The following SLCO1A2 variants were observed in gnomAD, a reference collection of about 807,000 sequenced individuals.
SLCO1A2 encodes the protein solute carrier organic anion transporter family member 1A2.
Under a neutral mutation model 69.0 loss-of-function variants are expected in SLCO1A2, and 67 were observed. The ratio of observed to expected loss-of-function variants is 0.97; its 90% CI spans 0.80 to 1.19. SLCO1A2 has a LOEUF of 1.19. Among genes scored for constraint, SLCO1A2 ranks in the 50% most tolerant of loss-of-function variants. The probability of loss-of-function intolerance (pLI) is 0.00; values close to 1 mark genes in which losing one functional copy is unlikely to be tolerated. For synonymous variants in SLCO1A2, 260 were observed against 265.9 expected (o/e 0.98, Z 0.22); for missense variants, 787 against 793.7 (o/e 0.99, Z 0.10).
At chr12:21,361,187 T>C (rs1938840470) in intron 2 of SLCO1A2, among the ~76,000 whole-genome samples, 1 of 152,170 alleles carries the variant, frequency 6.6e-6, no homozygotes, top group African/African-American at 2.4e-5. Context: ...AAGACAAAGC[T>C]TCCAGAGGAA....
intron 1 of SLCO1A2, chr12:21,403,351 T>C (rs1187445763): frequency 1.3e-5 from 2 of 152,162 alleles, no homozygotes; most frequent in Non-Finnish European, 2.9e-5. Context: ...TAAATCTCCT[T>C]ATATTTTTCC....
chr12:21,299,666 A>G (rs1948287466), intron 8 of SLCO1A2, among the ~76,000 whole-genome samples: 1 of 149,362 alleles, frequency 6.7e-6, no homozygotes, highest in Admixed American at 6.7e-5. Context: ...ACTTTTTCCT[A>G]CTTTTGTTCT....
At position 21,304,484 on chromosome 12, in the gene SLCO1A2, A is replaced by C; in HGVS notation, c.532T>G (p.Leu178Val). 1 of 1,612,978 alleles carries C rather than the reference A, an allele frequency of 6.2e-7. No individual in the cohort carries two copies. Among genetic ancestry groups the C allele is most frequent in the Non-Finnish European group, 8.5e-7 (1 of 1,178,980 alleles). ...AAATCTTCTATATAGGAAATACCCA[A>C]AGGCAGGATGGGAGTTTCACCCATT... ...RGMGETPILP[L>V]GISYIEDFAK... is the part of the protein sequence containing the mutation. The change falls in exon 6 of 15, where the codon TTG (leucine) becomes GTG (valine). Residue 178 changes from leucine (L) to valine (V), a missense_variant. Transcript: ENST00000683939.
Position 21,265,101 on chromosome 12 carries a change from A to ACAT in SLCO1A2, c.*4444_*4446dup, listed in dbSNP as rs1941934322. The stretch of plus-strand genomic sequence containing the variant: ...GGTAGCTCTGGTGTATTAAAATAAA[A>ACAT]CATCAATTGTATGAGTGTAATAGAC... On this transcript the variant is annotated 3_prime_UTR_variant, in exon 15 of 15. Coordinates refer to ENST00000683939, the MANE Select transcript of SLCO1A2 (RefSeq NM_001386879.1). The ACAT allele has an allele frequency of 1.3e-5, 2 of 152,216 alleles. No homozygotes were observed. Among genetic ancestry groups the ACAT allele is most frequent in the South Asian group, 4.1e-4 (2 of 4,834 alleles). The allele number at this position is 152,216 out of a possible 1,614,324, so 9.4% of individuals were successfully genotyped here.
At chr12:21,363,412 T>G (rs559487424) in intron 2 of SLCO1A2, among the ~76,000 whole-genome samples, 34 of 152,242 alleles carry the variant, frequency 2.2e-4, no homozygotes, top group Non-Finnish European at 4.4e-4. Flanking sequence ...AGAGGGAAAT[T>G]TATAGCACTA....
chr12:21,400,868 G>C lies in SLCO1A2; in HGVS notation c.-312+17014C>G, dbSNP rs1452420377. Among the ~76,000 whole-genome samples, 4 of 122,612 alleles carry C rather than the reference G, an allele frequency of 3.3e-5. No homozygotes were observed. The Admixed American group carries it at 3.7e-4, about 11-fold the overall frequency. 80.4% of individuals were successfully genotyped at this position (122,612 alleles called of 152,430 possible). ...CAGGAAGGGGAATATCACACTCTGG[G>C]GACTGTTGTGGGGTGGGGGGAGGGG... On this transcript the variant is annotated intron_variant, in intron 1 of 4. Coordinates refer to the SLCO1A2 transcript ENST00000413682.
chr12:21,307,064 C>T (rs1949505453), intron 4 of SLCO1A2, 76 bp from the exon 5 acceptor site: 1 of 951,850 alleles, frequency 1.1e-6, no homozygotes, highest in African/African-American at 1.6e-5. Context: ...AGATTGTTAC[C>T]TTCTGCTTCC....
intron 3 of SLCO1A2, among the ~76,000 whole-genome samples, chr12:21,317,871 C>T (rs1229175670): frequency 6.6e-6 from 1 of 152,148 alleles, no homozygotes; most frequent in Non-Finnish European, 1.5e-5. Flanking sequence ...TTCCCCCATT[C>T]TCCCTCTCTA....
intron 4 of SLCO1A2, among the ~76,000 whole-genome samples, chr12:21,308,456 A>C (rs1350605816): frequency 1.3e-5 from 2 of 152,220 alleles, no homozygotes; most frequent in Non-Finnish European, 2.9e-5. Context: ...ATGATCCAAA[A>C]CAATAAGAGT....
intron 1 of SLCO1A2, among the ~76,000 whole-genome samples, chr12:21,394,590 CAAAAAA>C (rs1246210816): frequency 1.4e-5 from 2 of 140,322 alleles, no homozygotes; most frequent in African/African-American, 5.2e-5. Context: ...CAACAAAAAA[CAAAAAA>C]AAAAGAAAAA....
chr12:21,309,593 T>C (rs185584362), intron 4 of SLCO1A2, among the ~76,000 whole-genome samples: 1 of 152,160 alleles, frequency 6.6e-6, no homozygotes, highest in East Asian at 1.9e-4. Context: ...AAAGTAACAA[T>C]CAAATATGGG....
At chr12:21,293,312 A>G (rs1947187940) in intron 11 of SLCO1A2, among the ~76,000 whole-genome samples, 1 of 146,764 alleles carries the variant, frequency 6.8e-6, no homozygotes, top group Admixed American at 7.5e-5. Context: ...CAAAAAAAAG[A>G]AAAGAAAAGA....
At chr12:21,314,343 T>C (rs969973220) in intron 4 of SLCO1A2, among the ~76,000 whole-genome samples, 14 of 152,138 alleles carry the variant, frequency 9.2e-5, no homozygotes, top group African/African-American at 3.4e-4. Flanking sequence ...CAAATCCCCA[T>C]TGTGTAAATT....
intron 4 of SLCO1A2, 51 bp from the exon 5 acceptor site, chr12:21,307,039 A>G (rs1218717824): frequency 3.3e-6 from 4 of 1,203,214 alleles, no homozygotes; most frequent in East Asian, 2.4e-5. Flanking sequence ...AATGAGGACA[A>G]TGTGGGCAAT....
rs1942445464 is a variant in SLCO1A2, at chr12:21,269,726, C to T, written c.1835G>A (p.Ser612Asn). 1.9e-6 allele frequency: 3 copies of T among 1,612,324 alleles called. No homozygotes were observed. The highest frequency in any genetic ancestry group is 2.5e-6 in the Non-Finnish European group (3 of 1,178,828). ...LGLPAALRGS[S>N]FVPALIILIL... ...TAAGATGATTAAGGCTGGAACAAAG[C>T]TTGATCCTCTTAGTGCTGCCGGCAA... Residue 612 changes from serine to asparagine, a missense_variant, in exon 15 of 15, where the codon AGC (serine) becomes AAC (asparagine). Ser to Asn is a conservative substitution (Grantham distance 46). Transcript: ENST00000683939.
upstream of SLCO1A2, among the ~76,000 whole-genome samples, chr12:21,418,850 G>C (rs565235873): frequency 7.9e-5 from 12 of 152,044 alleles, no homozygotes; most frequent in Non-Finnish European, 1.8e-4. Context: ...ACCACCTGTA[G>C]GCAAAATTTG....
chr12:21,398,446 AC>A (rs769822710), upstream of SLCO1A2, among the ~76,000 whole-genome samples: 9 of 139,780 alleles, frequency 6.4e-5, no homozygotes, highest in Non-Finnish European at 1.3e-4. Context: ...TACCAGAGGT[AC>A]AAGGAGGAAC....
chr12:21,350,551 T>C (rs1272257589), intron 2 of SLCO1A2, among the ~76,000 whole-genome samples: 1 of 151,988 alleles, frequency 6.6e-6, no homozygotes, highest in African/African-American at 2.4e-5. Context: ...AAAGTAATGT[T>C]TCAGGCCGGG....
At chr12:21,319,406 C>A (rs756184184) in intron 2 of SLCO1A2, 1 of 1,367,906 alleles carries the variant, frequency 7.3e-7, no homozygotes, top group Non-Finnish European at 9.8e-7. Context: ...TTCTTGCTTG[C>A]AATTCTTGGT....
Sources: gnomAD v4.1 joint callset for allele counts (sites outside exome capture counted in the v4.1 genomes callset) on GRCh38, gnomAD v4.1.1 for gene constraint, MANE v1.5 for transcripts, NCBI Gene and HGNC (gene_info 2026-07-23, HGNC 2026-07-21) for gene names.